The following GRIK4 variants were observed in gnomAD, a reference collection of about 807,000 sequenced individuals.
GRIK4 encodes glutamate ionotropic receptor kainate type subunit 4, also known as glutamate receptor ionotropic, kainate 4.
In GRIK4, 40 loss-of-function variants were observed where a neutral mutation model predicts 104.9. That is an observed-to-expected ratio of 0.38 (90% confidence interval 0.30 to 0.50). The LOEUF (loss-of-function observed/expected upper bound fraction) is 0.50, where lower values mean the gene tolerates loss of function less well. Among genes scored for constraint, GRIK4 ranks in the 20% least tolerant of loss-of-function variants. GRIK4 has a pLI of 0.93. For missense variants in GRIK4, 1,047 were observed against 1,308.1 expected (o/e 0.80, Z 3.08); for synonymous variants, 485 against 524.9 (o/e 0.92, Z 1.04).
At chr11:120,633,713 C>T (rs564685266) in intron 1 of GRIK4, among the ~76,000 whole-genome samples, 4 of 152,156 alleles carry the variant, frequency 2.6e-5, no homozygotes, top group African/African-American at 4.8e-5. Flanking sequence ...TAGAAGGCCC[C>T]TGAGCAGGGA....
intron 3 of GRIK4, among the ~76,000 whole-genome samples, chr11:120,728,682 G>T (rs552794947): frequency 6.6e-6 from 1 of 152,180 alleles, no homozygotes; most frequent in African/African-American, 2.4e-5. Flanking sequence ...TTTGATACAG[G>T]CATACAATGT....
In GRIK4 at chr11:120,800,347, C is replaced by T. The variant is rs563653851; in HGVS notation, c.83-2346C>T. On this transcript the variant is annotated intron_variant, in intron 3 of 20. Coordinates refer to ENST00000527524, the MANE Select transcript of GRIK4 (RefSeq NM_014619.5). Reference sequence around the variant, plus strand: ...GGAGGACCATTTGAGAAGCATTCCTCTAGGCTGCCCTGCTTCCTTTCTAGT... The same window carrying T: ...GGAGGACCATTTGAGAAGCATTCCTTTAGGCTGCCCTGCTTCCTTTCTAGT... Among the ~76,000 whole-genome samples, 15 of 152,280 alleles carry T rather than the reference C, an allele frequency of 9.9e-5. No individual in the cohort carries two copies. In the South Asian group the frequency reaches 3.1e-3, roughly 32 times the overall value.
At chr11:120,633,603 T>C (rs779715274) in intron 1 of GRIK4, among the ~76,000 whole-genome samples, 5 of 152,196 alleles carry the variant, frequency 3.3e-5, no homozygotes, top group Non-Finnish European at 5.9e-5. Flanking sequence ...TAAAGATAAA[T>C]TTGAAGCATC....
intron 3 of GRIK4, among the ~76,000 whole-genome samples, chr11:120,714,412 A>G (rs375377658): frequency 5.9e-5 from 9 of 152,308 alleles, no homozygotes; most frequent in African/African-American, 1.9e-4. Context: ...TTCTTTCAGC[A>G]GTTATTTATT....
chr11:120,616,098 A>G (rs1465546035), intron 1 of GRIK4, among the ~76,000 whole-genome samples: 1 of 152,216 alleles, frequency 6.6e-6, no homozygotes, highest in Non-Finnish European at 1.5e-5. Flanking sequence ...GGATTCTGCC[A>G]GTCCTAGGCA....
chr11:120,811,638 G>A (rs527967876), intron 4 of GRIK4, among the ~76,000 whole-genome samples: 150 of 152,024 alleles, frequency 9.9e-4, no homozygotes, highest in African/African-American at 3.5e-3. Flanking sequence ...CAGTGTATAA[G>A]TACTCTCTGT....
At chr11:120,634,722 G>A (rs1949376193) in intron 1 of GRIK4, among the ~76,000 whole-genome samples, 2 of 152,148 alleles carry the variant, frequency 1.3e-5, no homozygotes. Flanking sequence ...ACGGAGTCCG[G>A]AGACAGTGGG....
At chr11:120,843,912 C>G (rs891640923) in intron 8 of GRIK4, among the ~76,000 whole-genome samples, 1 of 152,128 alleles carries the variant, frequency 6.6e-6, no homozygotes, top group Admixed American at 6.5e-5. Context: ...CCCGACAGGT[C>G]CTCAGATTCC....
At chr11:120,707,191 C>T (rs575938323) in intron 3 of GRIK4, among the ~76,000 whole-genome samples, 1 of 152,152 alleles carries the variant, frequency 6.6e-6, no homozygotes, top group East Asian at 1.9e-4. Context: ...AGACAAGAAC[C>T]CTGGGAAGCC....
rs188334020 is a variant in GRIK4, at chr11:120,859,787, C to T, written c.745-2172C>T. Among the ~76,000 whole-genome samples, 242 of 152,374 alleles carry T rather than the reference C, an allele frequency of 1.6e-3. 2 individuals are homozygous for T. Among genetic ancestry groups the T allele is most frequent in the Non-Finnish European group, 2.2e-4 (15 of 68,036 alleles). On this transcript the variant is annotated intron_variant, in intron 8 of 20. Transcript: ENST00000527524. ...ATATCAGTGTAGGAATCAATACATT[C>T]TCTGGCATGTCCTTTTTCCCCTAAT...
intron 19 of GRIK4, among the ~76,000 whole-genome samples, chr11:120,971,440 C>T (rs1416993494): frequency 6.6e-6 from 1 of 152,186 alleles, no homozygotes; most frequent in African/African-American, 2.4e-5. Flanking sequence ...TCTGGAAAGC[C>T]TTATCTTATG....
intron 3 of GRIK4, among the ~76,000 whole-genome samples, chr11:120,742,492 T>G (rs189455469): frequency 5.6e-4 from 84 of 150,988 alleles, no homozygotes; most frequent in Admixed American, 1.1e-3. Flanking sequence ...ATCTCACACG[T>G]TTCAGAATGG....
intron 19 of GRIK4, among the ~76,000 whole-genome samples, chr11:120,978,452 G>C (rs191338264): frequency 0.012 from 1,900 of 152,128 alleles, 44 homozygotes; most frequent in African/African-American, 0.044. Flanking sequence ...AGGAGCAAAG[G>C]TATGGAAGGT....
At chr11:120,950,068 G>GA (rs1943962392) in intron 14 of GRIK4, among the ~76,000 whole-genome samples, 1 of 152,066 alleles carries the variant, frequency 6.6e-6, no homozygotes, top group African/African-American at 2.4e-5. Context: ...CATCCACATA[G>GA]AAAAAAATGG....
intron 3 of GRIK4, among the ~76,000 whole-genome samples, chr11:120,796,750 T>G (rs965457649): frequency 1.3e-5 from 2 of 151,594 alleles, no homozygotes; most frequent in Non-Finnish European, 2.9e-5. Context: ...AGAAGGGGCC[T>G]GAGGCCATGC....
At chr11:120,669,376 C>T (rs186977029) in intron 3 of GRIK4, among the ~76,000 whole-genome samples, 24 of 152,298 alleles carry the variant, frequency 1.6e-4, no homozygotes, top group South Asian at 8.3e-4. Flanking sequence ...GAATGATTCC[C>T]GCTTCTTAAA....
intron 1 of GRIK4, among the ~76,000 whole-genome samples, chr11:120,560,726 C>T (rs960801381): frequency 6.6e-6 from 1 of 152,124 alleles, no homozygotes; most frequent in Non-Finnish European, 1.5e-5. Context: ...TAGTGGCTAC[C>T]TTATTGGGTT....
intron 1 of GRIK4, among the ~76,000 whole-genome samples, chr11:120,517,654 G>GGA: frequency 1.6e-5 from 2 of 128,714 alleles, no homozygotes; most frequent in African/African-American, 3.3e-5. Flanking sequence ...GGAAATAGAA[G>GGA]GCCGGGCTAG....
intron 3 of GRIK4, among the ~76,000 whole-genome samples, chr11:120,664,505 C>T (rs537800618): frequency 7.2e-5 from 11 of 152,322 alleles, no homozygotes; most frequent in African/African-American, 2.2e-4. Context: ...TTGGACCAAA[C>T]AATCCCCTGT....
Sources: gnomAD v4.1 joint callset for allele counts (sites outside exome capture counted in the v4.1 genomes callset) on GRCh38, gnomAD v4.1.1 for gene constraint, MANE v1.5 for transcripts, NCBI Gene and HGNC (gene_info 2026-07-23, HGNC 2026-07-21) for gene names.